Variants in ZBTB25 observed in about 807,000 individuals in gnomAD.
The protein encoded by ZBTB25 is zinc finger and BTB domain containing 25.
A neutral mutation model predicts 34.2 loss-of-function variants in ZBTB25; 20 were observed. The observed-to-expected ratio is 0.58, with a 90% CI of 0.41 to 0.85. The LOEUF (loss-of-function observed/expected upper bound fraction) is 0.85, where lower values mean the gene tolerates loss of function less well. ZBTB25 is among the 40% of genes least tolerant of loss of function. The pLI is 0.00. For synonymous variants in ZBTB25, 175 were observed against 186.4 expected, an observed-to-expected ratio of 0.94 and a Z score of 0.50; for missense variants, 437 against 521.8, an observed-to-expected ratio of 0.84 and a Z score of 1.58.
chr14:64,486,997 C>T lies in ZBTB25; in HGVS notation c.1234G>A (p.Glu412Lys). The part of the protein sequence containing the change: ...VSLKSSRLSQ[E>K]HLDLPCALES... ...AAGGCACAAGGCAAGTCTAAGTGTT[C>T]TTGTGACAAGCGAGAACTTTTCAGG... is the stretch of plus-strand genomic sequence containing the variant. The change falls in exon 3 of 3, where the codon GAA becomes AAA. Residue 412 changes from glutamate to lysine, a missense_variant. By Grantham distance (56) the Glu-to-Lys change is moderately conservative. Coordinates refer to ENST00000608382, the MANE Select transcript of ZBTB25 (RefSeq NM_006977.5). 2 of 1,614,140 alleles carry T rather than the reference C, an allele frequency of 1.2e-6. No individual in the cohort carries two copies. The highest frequency in any genetic ancestry group is 1.7e-6 in the Non-Finnish European group (2 of 1,180,030).
chr14:64,490,941 G>T (rs985722380), intron 1 of ZBTB25, among the ~76,000 whole-genome samples: 1 of 152,202 alleles, frequency 6.6e-6, no homozygotes, highest in Non-Finnish European at 1.5e-5. Context: ...TGAAAATCAT[G>T]TTGTAATGGA....
intron 1 of ZBTB25, among the ~76,000 whole-genome samples, chr14:64,493,661 G>T (rs557786332): frequency 6.6e-6 from 1 of 152,248 alleles, no homozygotes; most frequent in South Asian, 2.1e-4. Context: ...TGTCACCACA[G>T]AGATCAAATC....
intron 2 of ZBTB25, among the ~76,000 whole-genome samples, chr14:64,489,151 A>C (rs567874917): frequency 1.3e-5 from 2 of 152,074 alleles, no homozygotes; most frequent in Non-Finnish European, 2.9e-5. Flanking sequence ...GGGAGACTGA[A>C]GCAAGAGAAT....
At chr14:64,503,466 G>A (rs2079566656) in intron 1 of ZBTB25, 195 bp downstream of exon 1, 1 of 985,424 alleles carries the variant, frequency 1.0e-6, no homozygotes, top group Non-Finnish European at 1.2e-6. Flanking sequence ...GGGTATTGTC[G>A]GCCCAGCGCT....
At chr14:64,496,308 C>A (rs1284238728) in intron 1 of ZBTB25, among the ~76,000 whole-genome samples, 1 of 151,952 alleles carries the variant, frequency 6.6e-6, no homozygotes, top group Non-Finnish European at 1.5e-5. Flanking sequence ...CATGGTGAAA[C>A]CCCGTCTCTA....
intron 2 of ZBTB25, chr14:64,468,355 G>T (rs779914423): frequency 2.0e-6 from 3 of 1,525,334 alleles, no homozygotes; most frequent in Non-Finnish European, 2.6e-6. Context: ...CTAAGGAAGA[G>T]AGAATACAGT....
chr14:64,504,976 G>A (rs2079618529), upstream of ZBTB25: 2 of 393,826 alleles, frequency 5.1e-6, no homozygotes, highest in African/African-American at 2.1e-5. Context: ...GGGGCTATTT[G>A]CGCAACTTTG....
intron 2 of ZBTB25, chr14:64,469,173 C>G (rs1287601908): frequency 6.2e-7 from 1 of 1,613,982 alleles, no homozygotes; most frequent in East Asian, 2.2e-5. Flanking sequence ...CATCAGCAGC[C>G]AGTACTTTCT....
At chr14:64,457,453 C>A (rs1331074439) in intron 2 of ZBTB25, among the ~76,000 whole-genome samples, 2 of 147,398 alleles carry the variant, frequency 1.4e-5, no homozygotes, top group African/African-American at 5.0e-5. Flanking sequence ...AGTTTCTTTT[C>A]TTTTCCTTTT....
At position 64,503,010 on chromosome 14, in the gene ZBTB25, T is replaced by C. The variant is rs968435145; in HGVS notation, c.-8+651A>G. On this transcript the variant is annotated intron_variant, in intron 1 of 2. Transcript: ENST00000608382. Reference sequence around the variant, plus strand: ...GATGCGGGCGCTAACTGTTGAAACATGCTAGGTGCCGTCAGGTTCCAGGTA... The same window carrying C: ...GATGCGGGCGCTAACTGTTGAAACACGCTAGGTGCCGTCAGGTTCCAGGTA... 2.5e-5 allele frequency: 25 copies of C among 985,480 alleles called. No homozygotes were observed. In the African/African-American group the frequency reaches 4.4e-4, roughly 17 times the overall value. The allele number at this position is 985,480 out of a possible 1,614,324, so 61.0% of individuals were successfully genotyped here.
rs1025254126 is a variant in ZBTB25 at position 64,485,265 on chromosome 14, G to A, written c.*1658C>T. The A allele has an allele frequency of 2.7e-5, 27 of 985,318 alleles. No individual in the cohort carries two copies. Among genetic ancestry groups the A allele is most frequent in the Admixed American group, 1.2e-4 (2 of 16,272 alleles). 61.0% of individuals were successfully genotyped at this position (985,318 alleles called of 1,614,324 possible). ...CAGGAAACGTCCTCAGAAGTGGAGG[G>A]AGCTCAAGAGTTTTGTAAGTGGTTA... On this transcript the variant is annotated 3_prime_UTR_variant, in exon 3 of 3. Transcript: ENST00000608382.
At chr14:64,459,891 GT>G (rs1425463597) in intron 2 of ZBTB25, 16 of 1,535,948 alleles carry the variant, frequency 1.0e-5, no homozygotes, top group Admixed American at 5.9e-5. Context: ...AATAGTAGGA[GT>G]TTCCCCAGAA....
downstream of ZBTB25, among the ~76,000 whole-genome samples, chr14:64,475,409 A>C (rs951525071): frequency 6.6e-6 from 1 of 152,024 alleles, no homozygotes; most frequent in Non-Finnish European, 1.5e-5. Flanking sequence ...ATTGCACTCC[A>C]GCCTGGGCGA....
chr14:64,497,754 G>A (rs1457014675), intron 1 of ZBTB25, among the ~76,000 whole-genome samples: 1 of 152,112 alleles, frequency 6.6e-6, no homozygotes, highest in East Asian at 1.9e-4. Context: ...TATGTATTTA[G>A]AAAAATCTAC....
intron 1 of ZBTB25, chr14:64,503,193 G>A (rs557861340): frequency 1.0e-6 from 1 of 985,352 alleles, no homozygotes; most frequent in Non-Finnish European, 1.2e-6. Flanking sequence ...GAAAAGGGGG[G>A]GATGTCTTCT....
chr14:64,485,235 T>C lies in ZBTB25; in HGVS notation c.*1688A>G. On this transcript the variant is annotated 3_prime_UTR_variant, in exon 3 of 3. Coordinates refer to ENST00000608382, the MANE Select transcript of ZBTB25 (RefSeq NM_006977.5). ...CTGATTGGACGCTGATGCTGTTGAA[T>C]GTGTCAGGAAACGTCCTCAGAAGTG... 3.0e-6 allele frequency: 3 copies of C among 985,476 alleles called. No homozygotes were observed. Among genetic ancestry groups the C allele is most frequent in the Non-Finnish European group, 3.6e-6 (3 of 829,938 alleles). The allele number at this position is 985,476 out of a possible 1,614,324, so 61.0% of individuals were successfully genotyped here. A position where few individuals can be genotyped will look rare whatever the true frequency, so the allele number is the denominator to read the frequency against.
intron 1 of ZBTB25, among the ~76,000 whole-genome samples, chr14:64,496,687 C>G (rs922757665): frequency 1.3e-5 from 2 of 151,954 alleles, no homozygotes; most frequent in Non-Finnish European, 2.9e-5. Flanking sequence ...TTTTGCAATC[C>G]TCTTTAATAT....
At position 64,471,288 on chromosome 14, in the gene ZBTB25, G is replaced by A. The variant is rs1185895925; in HGVS notation, c.173+19073C>T. Reference sequence around the variant, plus strand: ...CTGCCTCAGCCTCCCAAGTAGCTGGGACTACAGGCGCCCACTACAACGCTC... The same window carrying A: ...CTGCCTCAGCCTCCCAAGTAGCTGGAACTACAGGCGCCCACTACAACGCTC... On this transcript the variant is annotated intron_variant, in intron 2 of 2. Transcript: ENST00000555220. 5.1e-5 allele frequency: 8 copies of A among 155,854 alleles called. No individual in the cohort carries two copies. In the Admixed American group the frequency reaches 5.2e-4, roughly 10 times the overall value. 9.7% of individuals were successfully genotyped at this position (155,854 alleles called of 1,614,324 possible).
At chr14:64,494,187 A>C (rs2079186284) in intron 1 of ZBTB25, among the ~76,000 whole-genome samples, 1 of 152,232 alleles carries the variant, frequency 6.6e-6, no homozygotes, top group Non-Finnish European at 1.5e-5. Flanking sequence ...TGCAGAAAGG[A>C]GATGGCAATG....
Sources: allele counts gnomAD v4.1 joint callset (sites outside exome capture counted in the v4.1 genomes callset), GRCh38; gene constraint gnomAD v4.1.1; transcripts MANE v1.5; gene names NCBI Gene and HGNC (gene_info 2026-07-23, HGNC 2026-07-21).